The following ASPRV1 variants were observed in gnomAD, a reference collection of about 807,000 sequenced individuals.
ASPRV1 encodes the protein aspartic peptidase retroviral like 1, also known as retroviral-like aspartic protease 1.
In ASPRV1, 7 loss-of-function variants were observed where a neutral mutation model predicts 11.0. That is an observed-to-expected ratio of 0.64 (90% CI 0.36 to 1.20). The LOEUF is 1.20. Ranked by LOEUF, ASPRV1 falls within the 50% of genes most tolerant of loss-of-function variation. The probability of loss-of-function intolerance (pLI) is 0.02; values close to 1 mark genes in which losing one functional copy is unlikely to be tolerated. For synonymous variants in ASPRV1, 136 were observed against 138.4 expected, an observed-to-expected ratio of 0.98 and a Z score of 0.12; for missense variants, 299 against 320.0, an observed-to-expected ratio of 0.93 and a Z score of 0.50.
chr2:70,044,711 G>A, the ASPRV1 span, among the ~76,000 whole-genome samples: 1 of 151,814 alleles, frequency 6.6e-6, no homozygotes, highest in African/African-American at 2.4e-5. Context: ...CGCCCACCTC[G>A]GCCTCCCAAA....
chr2:70,068,421 G>T, the ASPRV1 span, among the ~76,000 whole-genome samples: 17 of 152,118 alleles, frequency 1.1e-4, no homozygotes, highest in Non-Finnish European at 2.1e-4. Flanking sequence ...TGGAAACCAG[G>T]TTTACAGAAA....
chr2:70,086,539 T>G, the ASPRV1 span: 1 of 152,178 alleles, frequency 6.6e-6, no homozygotes, highest in Non-Finnish European at 1.5e-5. Flanking sequence ...CCTGGCGCAG[T>G]GGCTGCGCCC....
the ASPRV1 span, among the ~76,000 whole-genome samples, chr2:70,071,910 C>G: frequency 6.6e-6 from 1 of 151,872 alleles, no homozygotes; most frequent in Non-Finnish European, 1.5e-5. Flanking sequence ...CCAAGACCAA[C>G]CCAGGCAACA....
the ASPRV1 span, among the ~76,000 whole-genome samples, chr2:70,005,493 TTTC>T: frequency 1.6e-4 from 24 of 152,340 alleles, no homozygotes; most frequent in South Asian, 2.9e-3. Flanking sequence ...AGTTACAGAT[TTTC>T]TTGTTTTCTA....
the ASPRV1 span, chr2:70,085,827 CCTATG>C: frequency 6.6e-6 from 1 of 152,274 alleles, no homozygotes; most frequent in African/African-American, 2.4e-5. Flanking sequence ...GGCCAACTGT[CCTATG>C]AAAAAGTCAG....
chr2:70,043,726 T>C, the ASPRV1 span, among the ~76,000 whole-genome samples: 1 of 152,244 alleles, frequency 6.6e-6, no homozygotes, highest in Non-Finnish European at 1.5e-5. Context: ...TTGGAAGCTG[T>C]GCCTCCCCCT....
chr2:70,009,853 TG>T, the ASPRV1 span, among the ~76,000 whole-genome samples: 3 of 152,202 alleles, frequency 2.0e-5, no homozygotes, highest in African/African-American at 7.2e-5. Context: ...GAACTGATTC[TG>T]GGCTGGACTG....
the ASPRV1 span, among the ~76,000 whole-genome samples, chr2:70,010,295 G>A: frequency 1.3e-5 from 2 of 152,248 alleles, no homozygotes; most frequent in Middle Eastern, 3.4e-3. Flanking sequence ...CAGGTGGGAA[G>A]CACAAGAGAG....
chr2:69,969,600 C>T, the ASPRV1 span, among the ~76,000 whole-genome samples: 1 of 152,132 alleles, frequency 6.6e-6, no homozygotes, highest in East Asian at 1.9e-4. Flanking sequence ...TCATTCCACA[C>T]ACTCTCCAGG....
the ASPRV1 span, chr2:69,993,722 T>C: frequency 2.6e-5 from 4 of 152,258 alleles, no homozygotes; most frequent in Non-Finnish European, 5.9e-5. Context: ...AAACCTCTCC[T>C]TTTCCCACTG....
chr2:70,075,866 G>A, the ASPRV1 span, among the ~76,000 whole-genome samples: 1 of 151,226 alleles, frequency 6.6e-6, no homozygotes, highest in African/African-American at 2.4e-5. Context: ...AAAAAAAAAA[G>A]AAAATTCTCA....
chr2:70,010,955 A>G, the ASPRV1 span, among the ~76,000 whole-genome samples: 2 of 152,176 alleles, frequency 1.3e-5, no homozygotes, highest in African/African-American at 2.4e-5. Flanking sequence ...TAAGTACTCG[A>G]TATGTATTTA....
the ASPRV1 span, among the ~76,000 whole-genome samples, chr2:69,936,082 GT>G: frequency 6.6e-6 from 1 of 151,786 alleles, no homozygotes; most frequent in Admixed American, 6.6e-5. Flanking sequence ...TAGGGCCTTT[GT>G]CAATGCTCTT....
chr2:69,966,273 T>A (rs763231082), upstream of ASPRV1, among the ~76,000 whole-genome samples: 7 of 152,248 alleles, frequency 4.6e-5, no homozygotes, highest in Non-Finnish European at 8.8e-5. Context: ...TACTAAGATG[T>A]CCTGAAGGCC....
chr2:70,067,683 AAAT>A, the ASPRV1 span, among the ~76,000 whole-genome samples: 1 of 152,204 alleles, frequency 6.6e-6, no homozygotes, highest in African/African-American at 2.4e-5. Flanking sequence ...ATAAAACAAA[AAAT>A]AATACTTTAA....
chr2:70,034,487 C>T, the ASPRV1 span, among the ~76,000 whole-genome samples: 1 of 151,582 alleles, frequency 6.6e-6, no homozygotes, highest in Non-Finnish European at 1.5e-5. Flanking sequence ...AGGAGAATCA[C>T]TTGAACCCGG....
the ASPRV1 span, among the ~76,000 whole-genome samples, chr2:69,980,044 C>A: frequency 2.0e-5 from 3 of 152,206 alleles, no homozygotes; most frequent in Admixed American, 6.5e-5. Flanking sequence ...CAGGGAGCCT[C>A]ATTGTCGCTG....
the ASPRV1 span, among the ~76,000 whole-genome samples, chr2:69,943,956 G>C: frequency 6.6e-6 from 1 of 152,200 alleles, no homozygotes. Context: ...AACTGCATTG[G>C]CATTCTGCCT....
chr2:69,948,947 G>A, the ASPRV1 span, among the ~76,000 whole-genome samples: 2 of 152,008 alleles, frequency 1.3e-5, no homozygotes, highest in African/African-American at 4.8e-5. Context: ...AGCCTGCCTG[G>A]CCGCTCCCCC....
Sources: allele counts gnomAD v4.1 joint callset (sites outside exome capture counted in the v4.1 genomes callset), GRCh38; gene constraint gnomAD v4.1.1; transcripts MANE v1.5; gene names NCBI Gene and HGNC (gene_info 2026-07-23, HGNC 2026-07-21).